LGR4: variants seen among roughly 807,000 people sequenced by gnomAD.
LGR4 encodes the protein leucine-rich repeat-containing G protein-coupled receptor 4.
Under a neutral mutation model 84.8 loss-of-function variants are expected in LGR4, and 44 were observed. The observed-to-expected ratio is 0.52, with a 90% CI of 0.41 to 0.67. LGR4 has a LOEUF of 0.67. Among genes scored for constraint, LGR4 ranks in the 30% least tolerant of loss-of-function variants. The pLI is 0.00. For synonymous variants in LGR4, 429 were observed against 434.3 expected (o/e 0.99, Z 0.15); for missense variants, 1,032 against 1,131.4 (o/e 0.91, Z 1.26).
intron 1 of LGR4, among the ~76,000 whole-genome samples, chr11:27,443,995 T>G (rs1213440866): frequency 6.6e-6 from 1 of 152,222 alleles, no homozygotes; most frequent in African/African-American, 2.4e-5. Flanking sequence ...CCTTTTTCCT[T>G]TTGTTTGGTC....
chr11:27,461,090 A>G (rs1238987729), intron 1 of LGR4, among the ~76,000 whole-genome samples: 1 of 152,232 alleles, frequency 6.6e-6, no homozygotes, highest in African/African-American at 2.4e-5. Flanking sequence ...ACCGTGCTTA[A>G]GAATGTCATA....
intron 2 of LGR4, among the ~76,000 whole-genome samples, chr11:27,408,660 G>A (rs937507988): frequency 3.3e-5 from 5 of 152,026 alleles, no homozygotes; most frequent in Non-Finnish European, 7.4e-5. Flanking sequence ...GCCTGTCAAC[G>A]CTAAGTGAAT....
Position 27,380,792 on chromosome 11 carries a change from AT to A in LGR4, c.831-82del, listed in dbSNP as rs1391194494. 5 of 1,193,072 alleles carry A rather than the reference AT, an allele frequency of 4.2e-6. No individual in the cohort carries two copies. The East Asian group carries it at 9.4e-5, about 22-fold the overall frequency. The allele number at this position is 1,193,072 out of a possible 1,614,324, so 73.9% of individuals were successfully genotyped here. A position where few individuals can be genotyped will look rare whatever the true frequency, so the allele number is the denominator to read the frequency against. On this transcript the variant is annotated intron_variant, in intron 8 of 17. Transcript: ENST00000379214. ...TTAACTCTATGTTCACAATGTACATATATCTAAAATCCTGACTTCTCATTCT... is the reference window on the plus strand; with the variant it reads ...TTAACTCTATGTTCACAATGTACATAATCTAAAATCCTGACTTCTCATTCT...
intron 1 of LGR4, chr11:27,471,916 C>T (rs1864880269): frequency 2.8e-6 from 1 of 359,554 alleles, no homozygotes. Context: ...GGCTCGAACC[C>T]GGACTAGCAA....
intron 12 of LGR4, among the ~76,000 whole-genome samples, chr11:27,376,851 T>TG (rs1408783008): frequency 6.6e-6 from 1 of 152,196 alleles, no homozygotes; most frequent in East Asian, 1.9e-4. Context: ...CAGGACATGA[T>TG]GGGAACTGGC....
At chr11:27,454,761 CAAAA>C (rs59633176) in intron 1 of LGR4, among the ~76,000 whole-genome samples, 2 of 108,832 alleles carry the variant, frequency 1.8e-5, no homozygotes. Flanking sequence ...GACTCTGTCT[CAAAA>C]AAAAAAAAAA....
chr11:27,463,116 G>A (rs916583523), intron 1 of LGR4, among the ~76,000 whole-genome samples: 7 of 150,508 alleles, frequency 4.7e-5, no homozygotes, highest in Non-Finnish European at 1.0e-4. Flanking sequence ...GCCAGGCATG[G>A]TGGCACTCAC....
intron 17 of LGR4, among the ~76,000 whole-genome samples, chr11:27,369,755 T>C (rs919233975): frequency 1.3e-5 from 2 of 152,158 alleles, no homozygotes; most frequent in Non-Finnish European, 2.9e-5. Flanking sequence ...TGTATATGTA[T>C]GTATCTACAC....
intron 1 of LGR4, among the ~76,000 whole-genome samples, chr11:27,466,380 C>T (rs1019943948): frequency 2.6e-5 from 4 of 152,190 alleles, no homozygotes; most frequent in Non-Finnish European, 4.4e-5. Flanking sequence ...CATTAGCCAT[C>T]ATCTAGTCAA....
intron 1 of LGR4, among the ~76,000 whole-genome samples, chr11:27,434,285 A>G (rs1434607778): frequency 6.6e-6 from 1 of 152,238 alleles, no homozygotes; most frequent in Non-Finnish European, 1.5e-5. Context: ...AAGAGCTCTC[A>G]TGTAAATAAG....
At chr11:27,424,282 G>A (rs550024854) in intron 1 of LGR4, among the ~76,000 whole-genome samples, 1 of 152,204 alleles carries the variant, frequency 6.6e-6, no homozygotes, top group Non-Finnish European at 1.5e-5. Flanking sequence ...GCTCACCCCT[G>A]CAATTCCAGT....
At chr11:27,466,585 AC>A (rs1157431875) in intron 1 of LGR4, among the ~76,000 whole-genome samples, 1 of 152,234 alleles carries the variant, frequency 6.6e-6, no homozygotes, top group African/African-American at 2.4e-5. Flanking sequence ...ACCTACTAAT[AC>A]AGAACTTTGA....
intron 1 of LGR4, among the ~76,000 whole-genome samples, chr11:27,435,099 G>T (rs920288429): frequency 6.6e-6 from 1 of 152,054 alleles, no homozygotes; most frequent in African/African-American, 2.4e-5. Context: ...ACTTTGGGAG[G>T]CCAAGTCGGG....
intron 1 of LGR4, among the ~76,000 whole-genome samples, chr11:27,433,397 CT>C (rs11296973): frequency 0.7 from 99,549 of 142,724 alleles, 34,445 homozygotes; most frequent in South Asian, 0.81. Context: ...ATTTTTATTT[CT>C]TTTTTTTTTT....
At chr11:27,376,133 T>A (rs549670444) in intron 13 of LGR4, among the ~76,000 whole-genome samples, 166 bp downstream of exon 13, 1 of 149,844 alleles carries the variant, frequency 6.7e-6, no homozygotes, top group South Asian at 2.2e-4. Context: ...TGCACCACTA[T>A]GCCCGGCTAA....
chr11:27,392,569 T>C, intron 2 of LGR4, 51 bp from the exon 3 acceptor site: 1 of 1,450,948 alleles, frequency 6.9e-7, no homozygotes, highest in African/African-American at 1.4e-5. Flanking sequence ...AATTCAGACT[T>C]AAAATTCAGA....
chr11:27,458,673 G>A (rs1864620415), intron 1 of LGR4, among the ~76,000 whole-genome samples: 1 of 151,986 alleles, frequency 6.6e-6, no homozygotes, highest in South Asian at 2.1e-4. Flanking sequence ...CGAGTAGCTA[G>A]GATTACAGCC....
chr11:27,470,799 A>G (rs1297615479), intron 1 of LGR4, among the ~76,000 whole-genome samples: 1 of 152,086 alleles, frequency 6.6e-6, no homozygotes, highest in Non-Finnish European at 1.5e-5. Flanking sequence ...CTGAAGGTAG[A>G]AGAATGAAAC....
rs1422242704 is a variant in LGR4 at position 27,367,531 on chromosome 11, C to T, written c.*336G>A. 5.7e-6 allele frequency: 1 copy of T among 174,228 alleles called. No homozygotes were observed. Among genetic ancestry groups the T allele is most frequent in the African/African-American group, 2.4e-5 (1 of 42,308 alleles). 10.8% of individuals were successfully genotyped at this position (174,228 alleles called of 1,614,324 possible). A position where few individuals can be genotyped will look rare whatever the true frequency, so the allele number is the denominator to read the frequency against. On this transcript the variant is annotated 3_prime_UTR_variant, in exon 18 of 18. Transcript: ENST00000379214. ...AAAAATATTAACAGCTGTTCTTTATCTTGTGCTTAATACACAAATAGGTAT... is the reference window on the plus strand; with the variant it reads ...AAAAATATTAACAGCTGTTCTTTATTTTGTGCTTAATACACAAATAGGTAT...
Sources: gnomAD v4.1 joint callset for allele counts (sites outside exome capture counted in the v4.1 genomes callset) on GRCh38, gnomAD v4.1.1 for gene constraint, MANE v1.5 for transcripts, NCBI Gene and HGNC (gene_info 2026-07-23, HGNC 2026-07-21) for gene names.